The following NALCN variants were observed in gnomAD, a reference collection of about 807,000 sequenced individuals.
NALCN encodes sodium leak channel NALCN.
Under a neutral mutation model 225.3 loss-of-function variants are expected in NALCN, and 111 were observed. The observed-to-expected ratio is 0.49, with a 90% confidence interval of 0.42 to 0.58. The LOEUF (loss-of-function observed/expected upper bound fraction) is 0.58. Ranked by LOEUF, NALCN falls within the 20% of genes least tolerant of loss-of-function variation. The probability of loss-of-function intolerance (pLI) is 0.00; values close to 1 mark genes in which losing one functional copy is unlikely to be tolerated. For missense variants in NALCN, 1,378 were observed against 2,202.4 expected (o/e 0.63, Z 7.49); for synonymous variants, 764 against 769.0 (o/e 0.99, Z 0.11).
At chr13:101,257,627 T>C (rs1353963176) in intron 11 of NALCN, among the ~76,000 whole-genome samples, 2 of 152,176 alleles carry the variant, frequency 1.3e-5, no homozygotes, top group Admixed American at 6.5e-5. Flanking sequence ...TTTCATAGGT[T>C]GGATTTATTG....
intron 17 of NALCN, among the ~76,000 whole-genome samples, chr13:101,127,700 A>G (rs912048497): frequency 4.0e-5 from 6 of 150,366 alleles, no homozygotes; most frequent in Non-Finnish European, 7.5e-5. Context: ...ACACACACAT[A>G]TATATGTCTT....
intron 15 of NALCN, among the ~76,000 whole-genome samples, chr13:101,147,136 G>A (rs1013989298): frequency 2.0e-5 from 3 of 152,126 alleles, no homozygotes; most frequent in African/African-American, 4.8e-5. Context: ...AGAACACAGA[G>A]TTCTTTCCTA....
chr13:101,387,243 A>C (rs909364967), intron 3 of NALCN, among the ~76,000 whole-genome samples: 23 of 149,886 alleles, frequency 1.5e-4, no homozygotes, highest in Non-Finnish European at 3.1e-4. Context: ...AAAAAAAAAA[A>C]AAAAAAAAAA....
At chr13:101,315,809 G>A (rs1284840727) in intron 7 of NALCN, among the ~76,000 whole-genome samples, 1 of 152,070 alleles carries the variant, frequency 6.6e-6, no homozygotes, top group Non-Finnish European at 1.5e-5. Context: ...TACCCTAAGA[G>A]GGTAAAAATG....
chr13:101,407,552 G>A (rs2047659020), intron 1 of NALCN, among the ~76,000 whole-genome samples: 1 of 152,168 alleles, frequency 6.6e-6, no homozygotes, highest in African/African-American at 2.4e-5. Context: ...CTTGAAAGAT[G>A]AGAACAAATA....
At chr13:101,372,372 T>C (rs1383813165) in intron 6 of NALCN, among the ~76,000 whole-genome samples, 2 of 152,186 alleles carry the variant, frequency 1.3e-5, no homozygotes, top group South Asian at 2.1e-4. Context: ...ATAGATATTA[T>C]ACTCAAAAAC....
chr13:101,200,783 C>A (rs952142998), intron 13 of NALCN, among the ~76,000 whole-genome samples: 7 of 152,096 alleles, frequency 4.6e-5, no homozygotes, highest in African/African-American at 1.7e-4. Flanking sequence ...GAAGGCAAAG[C>A]AAGGGTATTT....
At chr13:101,183,106 G>A (rs1252314141) in intron 14 of NALCN, among the ~76,000 whole-genome samples, 9 of 152,198 alleles carry the variant, frequency 5.9e-5, no homozygotes, top group Admixed American at 5.9e-4. Context: ...TCAGTTCTCT[G>A]AGTGTTCTCA....
At chr13:101,140,954 G>C (rs2037049271) in intron 17 of NALCN, among the ~76,000 whole-genome samples, 1 of 152,030 alleles carries the variant, frequency 6.6e-6, no homozygotes, top group African/African-American at 2.4e-5. Flanking sequence ...AAAAATAAAA[G>C]ATAAAAGTAA....
chr13:101,327,261 A>G (rs1003264032), intron 7 of NALCN, among the ~76,000 whole-genome samples: 1 of 152,206 alleles, frequency 6.6e-6, no homozygotes, highest in Non-Finnish European at 1.5e-5. Flanking sequence ...TTGTATTTTA[A>G]CAAATGATAG....
chr13:101,109,221 G>A (rs899695568), intron 20 of NALCN, among the ~76,000 whole-genome samples: 1 of 152,104 alleles, frequency 6.6e-6, no homozygotes, highest in African/African-American at 2.4e-5. Context: ...TCTAAGTTGC[G>A]CAGGCCATAT....
At chr13:101,290,992 G>A (rs913218930) in intron 9 of NALCN, among the ~76,000 whole-genome samples, 7 of 151,954 alleles carry the variant, frequency 4.6e-5, no homozygotes, top group African/African-American at 1.2e-4. Flanking sequence ...AAACACACAC[G>A]TGAAACAAAA....
intron 17 of NALCN, among the ~76,000 whole-genome samples, chr13:101,132,294 G>C (rs1373495722): frequency 6.6e-6 from 1 of 151,768 alleles, no homozygotes; most frequent in Admixed American, 6.6e-5. Context: ...TGAATGTGTA[G>C]GTTTTTTTGT....
chr13:101,087,584 T>C (rs2033996058), intron 30 of NALCN, among the ~76,000 whole-genome samples: 1 of 152,064 alleles, frequency 6.6e-6, no homozygotes, highest in African/African-American at 2.4e-5. Flanking sequence ...AGCTTGGTAA[T>C]ATAATTTCTT....
intron 15 of NALCN, among the ~76,000 whole-genome samples, chr13:101,168,326 T>C (rs2038551782): frequency 6.6e-6 from 1 of 152,192 alleles, no homozygotes; most frequent in African/African-American, 2.4e-5. Flanking sequence ...CACCTAAGCT[T>C]TAAACTTTGT....
intron 20 of NALCN, among the ~76,000 whole-genome samples, chr13:101,108,673 T>C (rs1449630747): frequency 6.6e-6 from 1 of 152,148 alleles, no homozygotes; most frequent in Admixed American, 6.6e-5. Context: ...ATAGCCAGGA[T>C]GCCAGTGTGG....
At chr13:101,239,737 T>C (rs191947039) in intron 11 of NALCN, among the ~76,000 whole-genome samples, 125 of 152,232 alleles carry the variant, frequency 8.2e-4, no homozygotes, top group Non-Finnish European at 1.6e-3. Flanking sequence ...GGCTTTCATA[T>C]CTATAAATAG....
intron 7 of NALCN, among the ~76,000 whole-genome samples, chr13:101,329,972 G>C (rs540419635): frequency 1.3e-4 from 19 of 151,834 alleles, no homozygotes; most frequent in African/African-American, 4.6e-4. Context: ...CCGGGAGGAG[G>C]AGGCTGCAGT....
intron 9 of NALCN, among the ~76,000 whole-genome samples, chr13:101,291,775 C>T (rs1035579204): frequency 1.3e-5 from 2 of 152,188 alleles, no homozygotes; most frequent in Middle Eastern, 3.4e-3. Context: ...ATCTCAAACT[C>T]CTGGGCTCAA....
Sources: gnomAD v4.1 joint callset for allele counts (sites outside exome capture counted in the v4.1 genomes callset) on GRCh38, gnomAD v4.1.1 for gene constraint, MANE v1.5 for transcripts, NCBI Gene and HGNC (gene_info 2026-07-23, HGNC 2026-07-21) for gene names.